AARS1: variants seen among roughly 807,000 people sequenced by gnomAD.
The protein encoded by AARS1 is alanyl-tRNA synthetase 1.
Under a neutral mutation model 108.9 loss-of-function variants are expected in AARS1, and 72 were observed. That is an observed-to-expected ratio of 0.66 (90% CI 0.55 to 0.80). The LOEUF is 0.80. Among genes scored for constraint, AARS1 ranks in the 30% least tolerant of loss-of-function variants. The probability of loss-of-function intolerance (pLI) is 0.00; values close to 1 mark genes in which losing one functional copy is unlikely to be tolerated. For synonymous variants in AARS1, 489 were observed against 465.7 expected, an observed-to-expected ratio of 1.05 and a Z score of -0.64; for missense variants, 1,193 against 1,233.2, an observed-to-expected ratio of 0.97 and a Z score of 0.49.
chr16:70,260,378 T>C (rs1960103611), intron 13 of AARS1, among the ~76,000 whole-genome samples: 1 of 152,170 alleles, frequency 6.6e-6, no homozygotes, highest in Non-Finnish European at 1.5e-5. Context: ...TTGAGCTTTT[T>C]AGAACATACA....
intron 15 of AARS1, among the ~76,000 whole-genome samples, chr16:70,257,112 G>C (rs1259624058): frequency 6.6e-6 from 1 of 152,100 alleles, no homozygotes; most frequent in African/African-American, 2.4e-5. Flanking sequence ...AGCTGGGCGT[G>C]GTGGTGTGTG....
chr16:70,274,909 G>T (rs764280477), intron 4 of AARS1, among the ~76,000 whole-genome samples: 2 of 151,618 alleles, frequency 1.3e-5, no homozygotes, highest in Non-Finnish European at 2.9e-5. Flanking sequence ...TACAACACAC[G>T]TGTAACTTTT....
Position 70,261,125 on chromosome 16 carries a change from G to A in AARS1, c.1704C>T (p.Val568=), listed in dbSNP as rs757658801. 1.7e-5 allele frequency: 27 copies of A among 1,613,660 alleles called. No homozygotes were observed. In the Admixed American group the frequency reaches 4.2e-4, roughly 25 times the overall value. ...KTEFTVKNAQ[V]RGGYVLHIGT... The stretch of plus-strand genomic sequence containing the variant: ...CAATGTGTAGCACATACCCTCCTCG[G>A]ACCTGAGCATTCTTCACTGTAAACT... Residue 568 remains valine (V), a synonymous_variant, in exon 13 of 21, where the codon GTC becomes GTT. Coordinates refer to ENST00000261772, the MANE Select transcript of AARS1 (RefSeq NM_001605.3).
chr16:70,266,397 G>A (rs1324220398), intron 9 of AARS1, among the ~76,000 whole-genome samples: 1 of 151,942 alleles, frequency 6.6e-6, no homozygotes, highest in Non-Finnish European at 1.5e-5. Flanking sequence ...TAGAGAGGCT[G>A]AGGCAGGAGA....
intron 1 of AARS1, among the ~76,000 whole-genome samples, chr16:70,285,520 C>T (rs1388077192): frequency 6.6e-6 from 1 of 152,094 alleles, no homozygotes; most frequent in Non-Finnish European, 1.5e-5. Flanking sequence ...GCAATCTCAG[C>T]TCACTGCAGC....
chr16:70,280,599 G>C (rs769372440), intron 2 of AARS1, among the ~76,000 whole-genome samples: 16 of 152,214 alleles, frequency 1.1e-4, no homozygotes, highest in Non-Finnish European at 2.1e-4. Context: ...AGCATCCTAA[G>C]GGCTGCAGAT....
At chr16:70,269,353 A>C (rs1200076651) in intron 7 of AARS1, among the ~76,000 whole-genome samples, 11 of 96,934 alleles carry the variant, frequency 1.1e-4, no homozygotes, top group East Asian at 5.7e-4. Flanking sequence ...AAAAAAAAAA[A>C]AAAAAAACAA....
In AARS1 at chr16:70,277,115, G is replaced by T. The variant is rs779066703; in HGVS notation, c.184C>A (p.Pro62Thr). 1 of 1,614,132 alleles carries T rather than the reference G, an allele frequency of 6.2e-7. No homozygotes were observed. Among genetic ancestry groups the T allele is most frequent in the Admixed American group, 1.7e-5 (1 of 59,980 alleles). Residue 62 changes from proline to threonine, a missense_variant, in exon 3 of 21, where the codon CCC becomes ACC. Physicochemically the swap from Pro to Thr is conservative, Grantham distance 38 (BLOSUM62 -1). Transcript: ENST00000261772. ...GCAGCTCTGCTCAGCTTTGCCATGG[G>T]GTGAGATGGGTCAATTGTGTTCAGG... The part of the protein sequence containing the change: ...IFLNTIDPSH[P>T]MAKLSRAANT...
intron 9 of AARS1, 34 bp from the exon 10 acceptor site, chr16:70,265,696 C>G: frequency 1.3e-6 from 2 of 1,589,056 alleles, no homozygotes; most frequent in Non-Finnish European, 1.7e-6. Flanking sequence ...TCAAAAAAAA[C>G]AGACAGCCCC....
chr16:70,275,687 T>C (rs1182634454), intron 4 of AARS1, among the ~76,000 whole-genome samples: 13 of 149,792 alleles, frequency 8.7e-5, no homozygotes, highest in Non-Finnish European at 1.5e-4. Flanking sequence ...GGCGTGAACC[T>C]GGGAGGCGGA....
At chr16:70,272,693 G>A (rs1177411660) in intron 4 of AARS1, among the ~76,000 whole-genome samples, 2 of 151,672 alleles carry the variant, frequency 1.3e-5, no homozygotes, top group East Asian at 1.9e-4. Flanking sequence ...CTGGCCACGC[G>A]CATTGCTTGA....
chr16:70,255,598 G>C, intron 16 of AARS1, 130 bp downstream of exon 16: 2 of 796,368 alleles, frequency 2.5e-6, no homozygotes, highest in Non-Finnish European at 4.3e-6. Flanking sequence ...CTGGGGCAGG[G>C]GGAGTGGCCC....
At chr16:70,253,858 T>TG in intron 18 of AARS1, 58 bp from the exon 19 acceptor site, 1 of 1,614,188 alleles carries the variant, frequency 6.2e-7, no homozygotes, top group South Asian at 1.1e-5. Context: ...CCCGAACCCC[T>TG]GGCTGTTCTG....
At chr16:70,255,142 T>C (rs575379728) in intron 16 of AARS1, among the ~76,000 whole-genome samples, 2 of 151,446 alleles carry the variant, frequency 1.3e-5, no homozygotes, top group South Asian at 4.2e-4. Flanking sequence ...AGCGAATCTA[T>C]GTCTTACCCT....
At position 70,254,614 on chromosome 16, in the gene AARS1, C is replaced by T. The variant is rs1245806372; in HGVS notation, c.2400+7G>A. 13 of 1,602,902 alleles carry T rather than the reference C, an allele frequency of 8.1e-6. No homozygotes were observed. The African/African-American group carries it at 1.6e-4, about 20-fold the overall frequency. ...CCTGAGGACGGAGGGAGGGAAGCCG[C>T]CCCTACCTCTCCAAGGTCAGCGATC... On this transcript the variant is annotated splice_region_variant and intron_variant, in intron 17 of 20. Coordinates refer to ENST00000261772, the MANE Select transcript of AARS1 (RefSeq NM_001605.3).
intron 4 of AARS1, among the ~76,000 whole-genome samples, chr16:70,272,925 A>T (rs937601675): frequency 1.4e-5 from 1 of 71,094 alleles, no homozygotes; most frequent in Non-Finnish European, 2.6e-5. Flanking sequence ...CACACACACA[A>T]AAGATTGTGC....
At chr16:70,268,409 T>C in intron 7 of AARS1, 30 bp from the exon 8 acceptor site, 1 of 1,598,288 alleles carries the variant, frequency 6.3e-7, no homozygotes, top group East Asian at 2.2e-5. Flanking sequence ...GTCCCCAACG[T>C]TCCCAGCTGA....
chr16:70,266,525 T>A (rs1555541023), intron 9 of AARS1, among the ~76,000 whole-genome samples: 1 of 149,398 alleles, frequency 6.7e-6, no homozygotes, highest in Non-Finnish European at 1.5e-5. Context: ...CCTGGACAAT[T>A]TTCTATTTCT....
chr16:70,264,868 G>C, intron 11 of AARS1, 90 bp downstream of exon 11: 2 of 1,531,216 alleles, frequency 1.3e-6, no homozygotes, highest in Non-Finnish European at 1.8e-6. Context: ...TCAGCAGTCT[G>C]CTGGAGAGCT....
Sources: allele counts gnomAD v4.1 joint callset (sites outside exome capture counted in the v4.1 genomes callset), GRCh38; gene constraint gnomAD v4.1.1; transcripts MANE v1.5; gene names NCBI Gene and HGNC (gene_info 2026-07-23, HGNC 2026-07-21).